Variants in CDC45 observed in about 807,000 individuals in gnomAD.
CDC45 encodes the protein cell division cycle 45.
In CDC45, 54 loss-of-function variants were observed where a neutral mutation model predicts 77.8. The ratio of observed to expected loss-of-function variants is 0.69; its 90% CI spans 0.56 to 0.87. The LOEUF is 0.87. Ranked by LOEUF, CDC45 falls within the 40% of genes least tolerant of loss-of-function variation. The pLI is 0.00. For synonymous variants in CDC45, 260 were observed against 272.1 expected, an observed-to-expected ratio of 0.96 and a Z score of 0.44; for missense variants, 649 against 721.6, an observed-to-expected ratio of 0.90 and a Z score of 1.15.
In CDC45 at chr22:19,496,038, G is replaced by A. The variant is rs749108557; in HGVS notation, c.591+9G>A. 8 of 1,578,670 alleles carry A rather than the reference G, an allele frequency of 5.1e-6. No individual in the cohort carries two copies. The highest frequency in any genetic ancestry group is 7.0e-6 in the Non-Finnish European group (8 of 1,147,904). On this transcript the variant is annotated intron_variant, in intron 7 of 18. Transcript: ENST00000263201. ...AATATCATGGGACATCGGTAAGTAT[G>A]AATAGGTGGAACTCACTATAAAGTT... is the stretch of plus-strand genomic sequence containing the variant.
chr22:19,494,729 T>C, intron 6 of CDC45: 1 of 792,834 alleles, frequency 1.3e-6, no homozygotes, highest in Non-Finnish European at 2.1e-6. Context: ...GGAAAGGTTA[T>C]TCTAGCTTGA....
chr22:19,509,192 C>A (rs1047429721), intron 13 of CDC45, among the ~76,000 whole-genome samples: 5 of 152,092 alleles, frequency 3.3e-5, no homozygotes, highest in African/African-American at 1.2e-4. Context: ...TCCAAATACA[C>A]TGAATTTATT....
intron 17 of CDC45, among the ~76,000 whole-genome samples, chr22:19,517,799 A>G (rs957964780): frequency 2.0e-5 from 3 of 152,208 alleles, no homozygotes; most frequent in African/African-American, 2.4e-5. Flanking sequence ...CCTAACAACC[A>G]CATTTGAACT....
Position 19,520,416 on chromosome 22 carries a change from G to A in CDC45, c.*2-65G>A, listed in dbSNP as rs1934046530. The A allele has an allele frequency of 6.6e-6, 1 of 152,250 alleles. No homozygotes were observed. The highest frequency in any genetic ancestry group is 2.4e-5 in the African/African-American group (1 of 41,460). The allele number at this position is 152,250 out of a possible 1,614,324, so 9.4% of individuals were successfully genotyped here. ...ACTACCCAGAGGGGACGCCTGGGCAGTTTCTTCAATTCGGTGGCACATCAA... is the reference window on the plus strand; with the variant it reads ...ACTACCCAGAGGGGACGCCTGGGCAATTTCTTCAATTCGGTGGCACATCAA... On this transcript the variant is annotated intron_variant, in intron 18 of 18. Coordinates refer to ENST00000263201, the MANE Select transcript of CDC45 (RefSeq NM_003504.5). The surrounding 1 kb of genome is among the most constrained non-coding windows in gnomAD (Gnocchi z 4.5).
rs759163689 is a variant in CDC45, at chr22:19,497,440, A to T, written c.646A>T (p.Met216Leu). The change falls in exon 8 of 19, where the codon ATG becomes TTG. Residue 216 changes from methionine to leucine, a missense_variant. By Grantham distance (15) the Met-to-Leu change is conservative. Coordinates refer to ENST00000263201, the MANE Select transcript of CDC45 (RefSeq NM_003504.5). ...AWMLSKDLND[M>L]LWWAIVGLTD... ...GATGCTGTCCAAGGACCTGAATGAC[A>T]TGCTGTGGTACGTAGCCCCTGCGGC... 1.2e-5 allele frequency: 19 copies of T among 1,613,840 alleles called. No individual in the cohort carries two copies. The highest frequency in any genetic ancestry group is 1.5e-5 in the Non-Finnish European group (18 of 1,179,868).
chr22:19,517,069 C>T (rs1933840430), intron 17 of CDC45, among the ~76,000 whole-genome samples, 176 bp downstream of exon 17: 1 of 152,266 alleles, frequency 6.6e-6, no homozygotes, highest in South Asian at 2.1e-4. Flanking sequence ...TCTGGTGAAC[C>T]TCAGGCCCCT....
chr22:19,493,233 TTTTTTGTTG>T lies in CDC45; in HGVS notation c.487-1089_487-1081del, dbSNP rs2090181495. ...GACAGAGCAGCTTTTGTGGGTTTTT[TTTTTTGTTG>T]TTTTGTTTTGTTTTGTTTTGTTTTG... On this transcript the variant is annotated intron_variant, in intron 5 of 18. Coordinates refer to ENST00000263201, the MANE Select transcript of CDC45 (RefSeq NM_003504.5). 2.5e-5 allele frequency among the ~76,000 whole-genome samples: 3 copies of T among 119,520 alleles called. No individual in the cohort carries two copies. In the South Asian group the frequency reaches 1.1e-3, roughly 44 times the overall value. The allele number at this position is 119,520 out of a possible 152,430, so 78.4% of individuals were successfully genotyped here.
chr22:19,504,819 GT>G (rs1423475019), intron 9 of CDC45, among the ~76,000 whole-genome samples: 1 of 152,172 alleles, frequency 6.6e-6, no homozygotes, highest in African/African-American at 2.4e-5. Flanking sequence ...TAAGGTTCAA[GT>G]TGTGATCTAC....
chr22:19,495,358 G>T (rs1256098704), intron 6 of CDC45, among the ~76,000 whole-genome samples: 2 of 152,206 alleles, frequency 1.3e-5, no homozygotes, highest in Non-Finnish European at 2.9e-5. Context: ...AGGCTTCAGT[G>T]AATTACTTTG....
Position 19,497,382 on chromosome 22 carries a change from A to G in CDC45, c.592-4A>G, listed in dbSNP as rs2090261295. The G allele has an allele frequency of 5.0e-6, 8 of 1,613,740 alleles. No individual in the cohort carries two copies. The highest frequency in any genetic ancestry group is 3.3e-5 in the Admixed American group (2 of 59,988). On this transcript the variant is annotated splice_polypyrimidine_tract_variant and splice_region_variant and intron_variant, in intron 7 of 18. Transcript: ENST00000263201. ...GAGCCTTAGACTTCTCTGCTTCCTT[A>G]CAGTCAGCCATGGTGATGTTTGAGC...
At chr22:19,516,787 T>C (rs1216685722) in intron 16 of CDC45, 30 bp from the exon 17 acceptor site, 2 of 1,604,922 alleles carry the variant, frequency 1.2e-6, no homozygotes, top group South Asian at 1.1e-5. Context: ...GCAGGCCGCC[T>C]GGCCCCCGAC....
rs1252192024 is a variant in CDC45 at position 19,496,035 on chromosome 22, T to C, written c.591+6T>C. On this transcript the variant is annotated splice_donor_region_variant and intron_variant, in intron 7 of 18. Transcript: ENST00000263201. ...ATGAATATCATGGGACATCGGTAAG[T>C]ATGAATAGGTGGAACTCACTATAAA... The C allele has an allele frequency of 6.3e-7, 1 of 1,588,114 alleles. No individual in the cohort carries two copies. The highest frequency in any genetic ancestry group is 8.6e-7 in the Non-Finnish European group (1 of 1,156,600).
intron 9 of CDC45, among the ~76,000 whole-genome samples, chr22:19,504,295 T>TTTTG (rs746935266): frequency 2.0e-5 from 3 of 151,412 alleles, no homozygotes; most frequent in Non-Finnish European, 2.9e-5. Context: ...GCTTTTTTGG[T>TTTTG]TTTGTTTGTT....
In CDC45 at chr22:19,494,380, G is replaced by A; in HGVS notation, c.540G>A (p.Arg180=). 2 of 1,613,694 alleles carry A rather than the reference G, an allele frequency of 1.2e-6. No homozygotes were observed. The highest frequency in any genetic ancestry group is 2.2e-5 in the South Asian group (2 of 91,024). The change falls in exon 6 of 19, where the codon CGG becomes CGA. Residue 180 remains arginine, a splice_region_variant and synonymous_variant. Coordinates refer to ENST00000263201, the MANE Select transcript of CDC45 (RefSeq NM_003504.5). ...GGCAGCGGCGAGAGTGGGAGGCCCG[G>A]AGGTGAGTCTGTGCTTCCAGCTGCT... ...RRRQRREWEA[R]RRDILFDYEQ... is the part of the protein sequence containing the mutation.
rs2073736 is a variant in CDC45 at position 19,508,444 on chromosome 22, G to A, written c.1056-86G>A. ...TGGAAGCATTGACTTGGGCCTGTGA[G>A]GGACATTAGCACATCTGTTGGCCTG... On this transcript the variant is annotated intron_variant, in intron 12 of 18. Transcript: ENST00000263201. 617,521 of 1,394,460 alleles carry A rather than the reference G, an allele frequency of 0.44. 143,290 individuals carry two copies. The highest frequency in any genetic ancestry group is 0.48 in the Non-Finnish European group (471,988 of 984,664). The allele number at this position is 1,394,460 out of a possible 1,614,324, so 86.4% of individuals were successfully genotyped here.
chr22:19,518,159 G>T (rs540134795), intron 17 of CDC45, among the ~76,000 whole-genome samples: 4 of 152,348 alleles, frequency 2.6e-5, no homozygotes, highest in Admixed American at 2.0e-4. Context: ...AGAATATCTG[G>T]CCTTCAGTAT....
intron 5 of CDC45, among the ~76,000 whole-genome samples, chr22:19,485,911 A>G (rs892338212): frequency 2.6e-5 from 4 of 152,042 alleles, no homozygotes; most frequent in African/African-American, 9.7e-5. Context: ...AACCTGTCTC[A>G]AAAAAAACAA....
At position 19,496,002 on chromosome 22, in the gene CDC45, C is replaced by G. The variant is rs367976893; in HGVS notation, c.564C>G (p.Tyr188Ter). ...ACAGAAGAGACATCCTCTTTGACTACGAGCAGTATGAATATCATGGGACAT... is the reference window on the plus strand; with the variant it reads ...ACAGAAGAGACATCCTCTTTGACTAGGAGCAGTATGAATATCATGGGACAT... The part of the protein sequence containing the change: ...EARRRDILFD[Y>*]EQYEYHGTSS... The change falls in exon 7 of 19, where the codon TAC (tyrosine) becomes TAG (stop). Residue 188 changes from tyrosine to a stop codon, truncating the protein, a stop_gained. Coordinates refer to ENST00000263201, the MANE Select transcript of CDC45 (RefSeq NM_003504.5). LOFTEE classifies it high-confidence loss of function. 9 of 1,610,938 alleles carry G rather than the reference C, an allele frequency of 5.6e-6. No homozygotes were observed. Among genetic ancestry groups the G allele is most frequent in the Non-Finnish European group, 7.6e-6 (9 of 1,177,340 alleles).
Position 19,507,387 on chromosome 22 carries a change from C to T in CDC45, c.826C>T (p.Leu276Phe). The change falls in exon 11 of 19, where the codon CTC becomes TTC. Residue 276 changes from leucine (L) to phenylalanine (F), a missense_variant and splice_region_variant. Physicochemically the swap from Leu to Phe is conservative, Grantham distance 22. Coordinates refer to ENST00000263201, the MANE Select transcript of CDC45 (RefSeq NM_003504.5). The part of the protein sequence containing the change: ...DCTRISFEYD[L>F]RLVLYQHWSL... ...CATGCTCCTTGACTGCAGGCCCAGCCTCCGCCTGGTGCTCTACCAGCACTG... is the reference window on the plus strand; with the variant it reads ...CATGCTCCTTGACTGCAGGCCCAGCTTCCGCCTGGTGCTCTACCAGCACTG... 6.2e-7 allele frequency: 1 copy of T among 1,613,916 alleles called. No individual in the cohort carries two copies. The highest frequency in any genetic ancestry group is 1.1e-5 in the South Asian group (1 of 91,090).
Sources: gnomAD v4.1 joint callset for allele counts (sites outside exome capture counted in the v4.1 genomes callset) on GRCh38, gnomAD v4.1.1 for gene constraint, Gnocchi (gnomAD v3.1) non-coding constraint, MANE v1.5 for transcripts, NCBI Gene and HGNC (gene_info 2026-07-23, HGNC 2026-07-21) for gene names.